The following DDX10 variants were observed in gnomAD, a reference collection of about 807,000 sequenced individuals.
DDX10 encodes probable ATP-dependent RNA helicase DDX10.
Under a neutral mutation model 104.3 loss-of-function variants are expected in DDX10, and 74 were observed. The ratio of observed to expected loss-of-function variants is 0.71; its 90% CI spans 0.59 to 0.86. The LOEUF (loss-of-function observed/expected upper bound fraction) is 0.86. Ranked by LOEUF, DDX10 falls within the 40% of genes least tolerant of loss-of-function variation. The pLI is 0.00. For synonymous variants in DDX10, 351 were observed against 353.4 expected (o/e 0.99, Z 0.08); for missense variants, 952 against 1,040.0 (o/e 0.92, Z 1.16).
At chr11:108,904,831 A>G (rs1031471863) in intron 16 of DDX10, among the ~76,000 whole-genome samples, 10 of 152,090 alleles carry the variant, frequency 6.6e-5, no homozygotes, top group Admixed American at 2.0e-4. Flanking sequence ...TATTTTATGA[A>G]TTATTGAAAT....
intron 7 of DDX10, among the ~76,000 whole-genome samples, chr11:108,689,733 G>A (rs1480992884): frequency 6.6e-6 from 1 of 152,204 alleles, no homozygotes; most frequent in Non-Finnish European, 1.5e-5. Context: ...GTGCGTGCGT[G>A]TGCCTCTTCT....
chr11:108,803,156 C>T (rs1347953038), intron 13 of DDX10, among the ~76,000 whole-genome samples: 3 of 152,158 alleles, frequency 2.0e-5, no homozygotes, highest in Non-Finnish European at 4.4e-5. Flanking sequence ...TCTTTGCCAG[C>T]AGCATTCTTG....
intron 17 of DDX10, chr11:108,920,769 C>G (rs1336644204): frequency 6.6e-6 from 1 of 152,214 alleles, no homozygotes; most frequent in Non-Finnish European, 1.5e-5. Flanking sequence ...TTCCCACCCT[C>G]AGCATTATTG....
chr11:108,885,593 T>G (rs1007717361), intron 16 of DDX10, among the ~76,000 whole-genome samples: 1 of 152,102 alleles, frequency 6.6e-6, no homozygotes, highest in Non-Finnish European at 1.5e-5. Flanking sequence ...CAGGCTGGTC[T>G]AGAATTCCTG....
At chr11:108,893,589 G>T (rs1349128343) in intron 16 of DDX10, among the ~76,000 whole-genome samples, 5 of 150,024 alleles carry the variant, frequency 3.3e-5, no homozygotes, top group African/African-American at 7.4e-5. Flanking sequence ...TTATTTTTTT[G>T]GAGGGAAAAA....
intron 16 of DDX10, among the ~76,000 whole-genome samples, chr11:108,898,355 A>G (rs557511849): frequency 6.6e-6 from 1 of 152,194 alleles, no homozygotes; most frequent in African/African-American, 2.4e-5. Flanking sequence ...AATATGTTAC[A>G]TGTCTCGGAG....
At chr11:108,696,419 C>T (rs921090412) in intron 9 of DDX10, among the ~76,000 whole-genome samples, 14 of 152,238 alleles carry the variant, frequency 9.2e-5, no homozygotes, top group South Asian at 2.1e-4. Flanking sequence ...TCAAGTGATC[C>T]GCCCGCCTCA....
At chr11:108,667,018 C>A (rs1391211127) in intron 1 of DDX10, among the ~76,000 whole-genome samples, 1 of 152,210 alleles carries the variant, frequency 6.6e-6, no homozygotes, top group Non-Finnish European at 1.5e-5. Context: ...CTGATCTGTT[C>A]TGCTTACATT....
At chr11:108,697,289 A>C (rs12222436) in intron 9 of DDX10, among the ~76,000 whole-genome samples, 18,133 of 149,832 alleles carry the variant, frequency 0.12, 1,472 homozygotes, top group East Asian at 0.27. Flanking sequence ...ATAATTAGAA[A>C]GTTTTGTGGG....
chr11:108,911,709 T>C (rs1591122458), intron 16 of DDX10, among the ~76,000 whole-genome samples: 1 of 151,744 alleles, frequency 6.6e-6, no homozygotes, highest in Non-Finnish European at 1.5e-5. Context: ...CTGCAAACTA[T>C]AGGAGCGTGT....
chr11:108,710,292 T>G (rs913158314), intron 10 of DDX10, among the ~76,000 whole-genome samples: 1 of 152,164 alleles, frequency 6.6e-6, no homozygotes, highest in African/African-American at 2.4e-5. Context: ...AACCTTAGCT[T>G]GCTGTAACTT....
intron 16 of DDX10, among the ~76,000 whole-genome samples, chr11:108,914,688 A>G (rs775490815): frequency 5.9e-5 from 9 of 152,174 alleles, no homozygotes; most frequent in Non-Finnish European, 8.8e-5. Context: ...CTATACCCCA[A>G]AAAAGGCAAT....
rs745929736 is a variant in DDX10 at position 108,715,983 on chromosome 11, T to C, written c.1410+17T>C. ...GCTCAAAGGGTAAGTCATTTTTCAG[T>C]TGGATACTTTCATTGACTGGAAAAA... On this transcript the variant is annotated intron_variant, in intron 11 of 17. Transcript: ENST00000322536. 2 of 1,312,008 alleles carry C rather than the reference T, an allele frequency of 1.5e-6. No homozygotes were observed. The highest frequency in any genetic ancestry group is 1.8e-5 in the Admixed American group (1 of 56,472). The allele number at this position is 1,312,008 out of a possible 1,614,324, so 81.3% of individuals were successfully genotyped here. A position where few individuals can be genotyped will look rare whatever the true frequency, so the allele number is the denominator to read the frequency against.
At chr11:108,831,789 CA>C (rs1314212751) in intron 13 of DDX10, among the ~76,000 whole-genome samples, 1 of 151,892 alleles carries the variant, frequency 6.6e-6, no homozygotes, top group East Asian at 1.9e-4. Context: ...TTCTTGTAGC[CA>C]ATGTTAGCTA....
chr11:108,848,849 G>T (rs1481100446), intron 15 of DDX10, among the ~76,000 whole-genome samples: 1 of 152,068 alleles, frequency 6.6e-6, no homozygotes, highest in African/African-American at 2.4e-5. Flanking sequence ...GTGGAATCAG[G>T]GAGTCTGATA....
At chr11:108,809,387 T>A (rs73009360) in intron 13 of DDX10, among the ~76,000 whole-genome samples, 1 of 152,354 alleles carries the variant, frequency 6.6e-6, no homozygotes, top group Non-Finnish European at 1.5e-5. Flanking sequence ...GGTTGACTTT[T>A]TGAGCATACG....
intron 14 of DDX10, among the ~76,000 whole-genome samples, chr11:108,840,428 T>C (rs1037599534): frequency 6.6e-6 from 1 of 152,208 alleles, no homozygotes; most frequent in African/African-American, 2.4e-5. Context: ...ACAAGAGTTA[T>C]TGTTGTCTGA....
In DDX10 at chr11:108,844,592, A is replaced by G. The variant is rs550846352; in HGVS notation, c.2247+3116A>G. On this transcript the variant is annotated intron_variant, in intron 15 of 17. Transcript: ENST00000322536. The stretch of plus-strand genomic sequence containing the variant: ...AGCAGTGATGTTTGTTGGGAAGAAT[A>G]CTGTGCTGTACTGTGGAATAACCTG... Among the ~76,000 whole-genome samples, 11 of 152,336 alleles carry G rather than the reference A, an allele frequency of 7.2e-5. No homozygotes were observed. The South Asian group carries it at 2.1e-3, about 29-fold the overall frequency.
At chr11:108,746,458 G>T (rs970273915) in intron 13 of DDX10, among the ~76,000 whole-genome samples, 1 of 151,822 alleles carries the variant, frequency 6.6e-6, no homozygotes, top group Non-Finnish European at 1.5e-5. Context: ...ATGGACATTT[G>T]GATTGTTTCC....
Sources: allele counts gnomAD v4.1 joint callset (sites outside exome capture counted in the v4.1 genomes callset), GRCh38; gene constraint gnomAD v4.1.1; transcripts MANE v1.5; gene names NCBI Gene and HGNC (gene_info 2026-07-23, HGNC 2026-07-21).